Variants in CORO7 observed in about 807,000 individuals in gnomAD.
The protein encoded by CORO7 is coronin 7.
CORO7 carries 107 observed loss-of-function variants against 126.6 expected under a neutral mutation model. The observed-to-expected ratio is 0.85, with a 90% CI of 0.72 to 0.99. CORO7 has a LOEUF of 0.99. Among genes scored for constraint, CORO7 ranks in the 50% least tolerant of loss-of-function variants. The probability of loss-of-function intolerance (pLI) is 0.00; values close to 1 mark genes in which losing one functional copy is unlikely to be tolerated. For synonymous variants in CORO7, 603 were observed against 536.8 expected, an observed-to-expected ratio of 1.12 and a Z score of -1.70; for missense variants, 1,314 against 1,255.8, an observed-to-expected ratio of 1.05 and a Z score of -0.70.
rs35864045 is a variant in CORO7 at position 4,362,006 on chromosome 16, C to T, written c.1557G>A (p.Gly519=). The change falls in exon 16 of 28, where the codon GGG becomes GGA. Residue 519 remains glycine, a synonymous_variant. Coordinates refer to ENST00000251166, the MANE Select transcript of CORO7 (RefSeq NM_024535.5). This position sits in a 1 kb window ranked among gnomAD's most constrained non-coding sequence, Gnocchi z 5.3. ...LRVAVPLLSS[G]GQVAVLELRK... ...TCACCTCAAGCACAGCCACCTGTCC[C>T]CCGCTGCTGAGCAGCGGCACGGCCA... 28,912 of 1,610,242 alleles carry T rather than the reference C, an allele frequency of 0.018. 331 individuals are homozygous for T. The highest frequency in any genetic ancestry group is 0.021 in the Non-Finnish European group (25,003 of 1,178,602).
At chr16:4,375,102 T>C (rs1369509391) in intron 9 of CORO7, among the ~76,000 whole-genome samples, 1 of 152,152 alleles carries the variant, frequency 6.6e-6, no homozygotes, top group African/African-American at 2.4e-5. Flanking sequence ...AGGTTGCACC[T>C]CTTGTGACTA....
intron 19 of CORO7, 41 bp from the exon 20 acceptor site, chr16:4,360,589 T>C: frequency 6.4e-7 from 1 of 1,553,928 alleles, no homozygotes; most frequent in Non-Finnish European, 8.7e-7. Flanking sequence ...CTTGCTTCAC[T>C]GCTGGCCCCA....
In CORO7 at chr16:4,362,273, G is replaced by C. The variant is rs777833763; in HGVS notation, c.1403-113C>G. The C allele has an allele frequency of 1.3e-5, 18 of 1,413,388 alleles. No homozygotes were observed. Among genetic ancestry groups the C allele is most frequent in the Non-Finnish European group, 1.7e-5 (18 of 1,060,338 alleles). 87.6% of individuals were successfully genotyped at this position (1,413,388 alleles called of 1,614,324 possible). A position where few individuals can be genotyped will look rare whatever the true frequency, so the allele number is the denominator to read the frequency against. Reference sequence around the variant, plus strand: ...TCACCCCAGGTGGATGTACAGCATGGACCTAGGCCCAGGCCTTTGCTAATC... The same window carrying C: ...TCACCCCAGGTGGATGTACAGCATGCACCTAGGCCCAGGCCTTTGCTAATC... On this transcript the variant is annotated intron_variant, in intron 15 of 27. Coordinates refer to ENST00000251166, the MANE Select transcript of CORO7 (RefSeq NM_024535.5). The surrounding 1 kb of genome is among the most constrained non-coding windows in gnomAD (Gnocchi z 5.3).
In CORO7 at chr16:4,378,146, G is replaced by C. The variant is rs1447452149; in HGVS notation, c.785+9840C>G. 3.3e-5 allele frequency among the ~76,000 whole-genome samples: 5 copies of C among 152,156 alleles called. No individual in the cohort carries two copies. The East Asian group carries it at 9.6e-4, about 29-fold the overall frequency. On this transcript the variant is annotated intron_variant, in intron 9 of 27. Coordinates refer to ENST00000251166, the MANE Select transcript of CORO7 (RefSeq NM_024535.5). ...TGCACACCTGGCCTTGCAGGGCTGA[G>C]GACTCCACATGCATCCCCCACTGCA...
chr16:4,357,847 C>T, intron 25 of CORO7, 121 bp downstream of exon 25: 1 of 1,481,190 alleles, frequency 6.8e-7, no homozygotes, highest in East Asian at 2.4e-5. Flanking sequence ...CACAGCCACT[C>T]CACCCTCCCA....
intron 6 of CORO7, chr16:4,397,412 C>A (rs1379694341): frequency 6.6e-6 from 1 of 151,470 alleles, no homozygotes; most frequent in Non-Finnish European, 1.5e-5. Context: ...CGAGATCGTG[C>A]CACTACACTC....
intron 9 of CORO7, chr16:4,381,705 G>C (rs1371838429): frequency 1.2e-6 from 2 of 1,607,616 alleles, no homozygotes; most frequent in East Asian, 4.5e-5. Context: ...ACCTAAGCCT[G>C]CAGGCCCTGC....
Position 4,361,219 on chromosome 16 carries a change from G to A in CORO7, c.1717C>T (p.Arg573Trp), listed in dbSNP as rs200468998. ...AGEDARIRLWRVPAEGLEEVL... is the reference protein window; with the variant it reads ...AGEDARIRLWWVPAEGLEEVL... ...TCTTCCAGGCCCTCTGCGGGTACCC[G>A]CCACAGTCGGATCCTGGCGTCCTCA... The change falls in exon 18 of 28, where the codon CGG becomes TGG. Residue 573 changes from arginine to tryptophan, a missense_variant. Transcript: ENST00000251166. 7.3e-5 allele frequency: 117 copies of A among 1,612,462 alleles called. No homozygotes were observed. Among genetic ancestry groups the A allele is most frequent in the Non-Finnish European group, 9.5e-5 (112 of 1,179,996 alleles).
In CORO7 at chr16:4,362,379, C is replaced by T. The variant is rs888027813; in HGVS notation, c.1403-219G>A. ...GTGGCTCGGGGAATCTTGGTGGAGC[C>T]CAGGGCTTTGGCTGCTCAGAAGCTG... is the stretch of plus-strand genomic sequence containing the variant. On this transcript the variant is annotated intron_variant, in intron 15 of 27. Coordinates refer to ENST00000251166, the MANE Select transcript of CORO7 (RefSeq NM_024535.5). This position sits in a 1 kb window ranked among gnomAD's most constrained non-coding sequence, Gnocchi z 5.3. Among the ~76,000 whole-genome samples the T allele has an allele frequency of 6.6e-6, 1 of 152,132 alleles. No homozygotes were observed. Among genetic ancestry groups the T allele is most frequent in the Non-Finnish European group, 1.5e-5 (1 of 68,010 alleles).
Position 4,380,743 on chromosome 16 carries a change from C to T in CORO7, c.785+7243G>A, listed in dbSNP as rs866191315. The T allele has an allele frequency of 1.1e-5, 12 of 1,117,790 alleles. No individual in the cohort carries two copies. In the South Asian group the frequency reaches 1.7e-4, roughly 16 times the overall value. 69.2% of individuals were successfully genotyped at this position (1,117,790 alleles called of 1,614,324 possible). ...GGGTCGGGGCACTGGCGACCTGACT[C>T]ATAACCATTGGGTTCTCTTGCATTT... is the stretch of plus-strand genomic sequence containing the variant. On this transcript the variant is annotated intron_variant, in intron 9 of 27. Coordinates refer to ENST00000251166, the MANE Select transcript of CORO7 (RefSeq NM_024535.5).
intron 11 of CORO7, 35 bp downstream of exon 11, chr16:4,364,965 GGGA>G: frequency 1.2e-6 from 2 of 1,604,988 alleles, no homozygotes; most frequent in Non-Finnish European, 1.7e-6. Flanking sequence ...GGCAGGGGAG[GGGA>G]GGGTAGGGGA....
chr16:4,402,341 G>A (rs556544010), intron 6 of CORO7, among the ~76,000 whole-genome samples: 1 of 152,006 alleles, frequency 6.6e-6, no homozygotes, highest in Non-Finnish European at 1.5e-5. Context: ...CTTCAGCCTC[G>A]AACTCCTGGG....
At chr16:4,357,769 G>T in intron 25 of CORO7, 199 bp downstream of exon 25, 1 of 873,100 alleles carries the variant, frequency 1.1e-6, no homozygotes, top group Non-Finnish European at 1.7e-6. Context: ...GTGTGTGTTA[G>T]GGGTGGGGAC....
intron 9 of CORO7, among the ~76,000 whole-genome samples, chr16:4,380,352 C>T (rs1214151588): frequency 6.6e-6 from 1 of 152,256 alleles, no homozygotes; most frequent in Non-Finnish European, 1.5e-5. Context: ...CCCATAGTTT[C>T]CATGTGAAGT....
chr16:4,395,161 G>C (rs1392775735), intron 7 of CORO7, 128 bp downstream of exon 7: 1 of 1,357,400 alleles, frequency 7.4e-7, no homozygotes, highest in African/African-American at 1.4e-5. Flanking sequence ...CACCTCCTGG[G>C]GACCCCTGGT....
At chr16:4,388,105 G>C in intron 8 of CORO7, 37 bp from the exon 9 acceptor site, 1 of 1,592,732 alleles carries the variant, frequency 6.3e-7, no homozygotes, top group Non-Finnish European at 8.5e-7. Flanking sequence ...AGAGGGGCCT[G>C]TCCCTCAGCC....
intron 3 of CORO7, among the ~76,000 whole-genome samples, chr16:4,410,242 C>G (rs1372766223): frequency 1.3e-5 from 2 of 152,080 alleles, no homozygotes; most frequent in Non-Finnish European, 2.9e-5. Context: ...CTGGGCAACA[C>G]AGCAAAACCC....
intron 6 of CORO7, among the ~76,000 whole-genome samples, chr16:4,396,964 T>A (rs1472493333): frequency 1.4e-5 from 2 of 141,100 alleles, no homozygotes; most frequent in Non-Finnish European, 3.0e-5. Context: ...TGCAGTGAGC[T>A]GAGATTGCAC....
Position 4,362,862 on chromosome 16 carries a change from G to C in CORO7, c.1276-124C>G. 8.4e-7 allele frequency: 1 copy of C among 1,184,354 alleles called. No homozygotes were observed. The highest frequency in any genetic ancestry group is 4.1e-5 in the Admixed American group (1 of 24,352). The allele number at this position is 1,184,354 out of a possible 1,614,324, so 73.4% of individuals were successfully genotyped here. A position where few individuals can be genotyped will look rare whatever the true frequency, so the allele number is the denominator to read the frequency against. ...CGGACTGGAGGAGCCCCCACTGTGG[G>C]CATGCGACAGGAGCGGCGGGGGGCA... On this transcript the variant is annotated intron_variant, in intron 14 of 27. Coordinates refer to ENST00000251166, the MANE Select transcript of CORO7 (RefSeq NM_024535.5). This position sits in a 1 kb window ranked among gnomAD's most constrained non-coding sequence, Gnocchi z 5.3.
Sources: allele counts gnomAD v4.1 joint callset (sites outside exome capture counted in the v4.1 genomes callset), GRCh38; gene constraint gnomAD v4.1.1; non-coding constraint Gnocchi (gnomAD v3.1); transcripts MANE v1.5; gene names NCBI Gene and HGNC (gene_info 2026-07-23, HGNC 2026-07-21).